MACROD2: variants seen among roughly 807,000 people sequenced by gnomAD.
The protein encoded by MACROD2 is ADP-ribose glycohydrolase MACROD2.
In MACROD2, 36 loss-of-function variants were observed where a neutral mutation model predicts 70.4. That is an observed-to-expected ratio of 0.51 (90% confidence interval 0.39 to 0.68). MACROD2 has a LOEUF of 0.68. Among genes scored for constraint, MACROD2 ranks in the 30% least tolerant of loss-of-function variants. MACROD2 has a pLI of 0.00. For missense variants in MACROD2, 496 were observed against 538.4 expected (o/e 0.92, Z 0.78); for synonymous variants, 172 against 178.8 (o/e 0.96, Z 0.30).
chr20:15,211,424 C>T (rs1323294072), intron 5 of MACROD2, among the ~76,000 whole-genome samples: 2 of 152,220 alleles, frequency 1.3e-5, no homozygotes, highest in East Asian at 3.9e-4. Context: ...CCCTCCAGAT[C>T]TCATATTGAA....
At chr20:14,276,472 T>G (rs55857915) in intron 3 of MACROD2, among the ~76,000 whole-genome samples, 1 of 96,210 alleles carries the variant, frequency 1.0e-5, no homozygotes, top group Admixed American at 1.5e-4. Context: ...CTCTGGGGAC[T>G]GTTGTGGGGT....
At chr20:15,668,579 A>G (rs1204491752) in intron 8 of MACROD2, among the ~76,000 whole-genome samples, 1 of 152,008 alleles carries the variant, frequency 6.6e-6, no homozygotes, top group South Asian at 2.1e-4. Flanking sequence ...AAAATAAAAT[A>G]AAAAATAAAA....
chr20:14,840,988 T>C (rs911898757), intron 5 of MACROD2, among the ~76,000 whole-genome samples: 4 of 152,134 alleles, frequency 2.6e-5, no homozygotes, highest in East Asian at 1.9e-4. Flanking sequence ...AGTGTTATTA[T>C]TTCAAAAAAT....
intron 5 of MACROD2, among the ~76,000 whole-genome samples, chr20:14,700,522 G>GGT (rs149689043): frequency 0.11 from 12,592 of 111,240 alleles, 577 homozygotes; most frequent in East Asian, 0.18. Flanking sequence ...GACATATGGT[G>GGT]GTGTGTGTGT....
chr20:15,911,611 A>G (rs2065238652), intron 10 of MACROD2, among the ~76,000 whole-genome samples: 2 of 152,208 alleles, frequency 1.3e-5, no homozygotes, highest in Admixed American at 6.5e-5. Flanking sequence ...AAGCACTGGT[A>G]GGTGAAGGTG....
intron 15 of MACROD2, among the ~76,000 whole-genome samples, chr20:16,006,429 AAATT>A (rs1193960557): frequency 3.3e-5 from 5 of 152,206 alleles, no homozygotes; most frequent in Non-Finnish European, 7.3e-5. Context: ...TATGAAGTCT[AAATT>A]AATTAACTGC....
At chr20:16,041,463 C>G (rs897618634) in intron 16 of MACROD2, among the ~76,000 whole-genome samples, 185 bp downstream of exon 16, 7 of 151,708 alleles carry the variant, frequency 4.6e-5, no homozygotes, top group African/African-American at 1.5e-4. Context: ...AAAAAAAAAA[C>G]CTGTTTCTAG....
At chr20:14,429,563 G>A (rs2083972087) in intron 3 of MACROD2, among the ~76,000 whole-genome samples, 1 of 152,136 alleles carries the variant, frequency 6.6e-6, no homozygotes. Context: ...GATGGGCTTT[G>A]GTCCTTTTAG....
chr20:15,829,171 A>G (rs150364192), intron 8 of MACROD2, among the ~76,000 whole-genome samples: 227 of 152,182 alleles, frequency 1.5e-3, no homozygotes, highest in African/African-American at 5.2e-3. Flanking sequence ...GGAAAAGGAT[A>G]TTACTGTTCC....
chr20:15,967,579 A>G lies in MACROD2; in HGVS notation c.934A>G (p.Lys312Glu). Residue 312 changes from lysine (K) to glutamate (E), a missense_variant, in exon 13 of 18, where the codon AAA becomes GAA. Physicochemically the swap from Lys to Glu is moderately conservative, Grantham distance 56 (BLOSUM62 1). Transcript: ENST00000684519. Reference protein sequence around the residue: ...EDFAKDENITKGGEVTDHSVR... With the variant: ...EDFAKDENITEGGEVTDHSVR... ...TTTTGCAAAGGATGAAAATATTACA[A>G]AAGGCGGTGAAGTGACAGATCATTC... is the stretch of plus-strand genomic sequence containing the variant. The G allele has an allele frequency of 6.2e-7, 1 of 1,611,934 alleles. No homozygotes were observed. Among genetic ancestry groups the G allele is most frequent in the East Asian group, 2.2e-5 (1 of 44,748 alleles).
intron 5 of MACROD2, among the ~76,000 whole-genome samples, chr20:14,713,695 G>A (rs1034389518): frequency 6.6e-6 from 1 of 152,078 alleles, no homozygotes; most frequent in African/African-American, 2.4e-5. Flanking sequence ...ATATACAATA[G>A]GGCACTTGCC....
intron 6 of MACROD2, among the ~76,000 whole-genome samples, chr20:15,312,139 C>G (rs2146149301): frequency 6.6e-6 from 1 of 152,202 alleles, no homozygotes; most frequent in Non-Finnish European, 1.5e-5. Flanking sequence ...GAGAGACTAT[C>G]TTTGAACTAT....
intron 4 of MACROD2, chr20:14,566,911 A>C (rs941034978): frequency 2.0e-5 from 3 of 152,022 alleles, no homozygotes; most frequent in African/African-American, 7.2e-5. Flanking sequence ...TCACATAATC[A>C]GTTAAAAAGA....
chr20:14,268,965 C>G (rs540089175), intron 3 of MACROD2, among the ~76,000 whole-genome samples: 1 of 152,264 alleles, frequency 6.6e-6, no homozygotes, highest in African/African-American at 2.4e-5. Context: ...AATTATCCTA[C>G]AATTTGTGTG....
chr20:14,476,956 C>T (rs1027667213), intron 3 of MACROD2, among the ~76,000 whole-genome samples: 6 of 152,124 alleles, frequency 3.9e-5, no homozygotes, highest in Non-Finnish European at 5.9e-5. Flanking sequence ...TGAATTATAG[C>T]TCAGGCTGAT....
At chr20:15,374,244 C>T (rs2045531790) in intron 6 of MACROD2, among the ~76,000 whole-genome samples, 1 of 151,600 alleles carries the variant, frequency 6.6e-6, no homozygotes, top group African/African-American at 2.4e-5. Context: ...TATATAATCA[C>T]ATATGATTAT....
chr20:14,979,588 G>C (rs1371133380), intron 5 of MACROD2, among the ~76,000 whole-genome samples: 1 of 152,142 alleles, frequency 6.6e-6, no homozygotes, highest in Non-Finnish European at 1.5e-5. Context: ...GAGCTTCCTG[G>C]AAAAAGAAAT....
chr20:14,055,296 G>C (rs1158072769), intron 2 of MACROD2, among the ~76,000 whole-genome samples: 1 of 151,420 alleles, frequency 6.6e-6, no homozygotes, highest in Non-Finnish European at 1.5e-5. Context: ...TTTTTTTTGT[G>C]ACTTGTTATT....
intron 4 of MACROD2, among the ~76,000 whole-genome samples, chr20:14,570,822 C>G (rs1409212877): frequency 6.6e-6 from 1 of 151,918 alleles, no homozygotes; most frequent in Non-Finnish European, 1.5e-5. Context: ...AAAAACACAA[C>G]TTAGACAAGA....
Sources: gnomAD v4.1 joint callset for allele counts (sites outside exome capture counted in the v4.1 genomes callset) on GRCh38, gnomAD v4.1.1 for gene constraint, MANE v1.5 for transcripts, NCBI Gene and HGNC (gene_info 2026-07-23, HGNC 2026-07-21) for gene names.